Variants in WDPCP observed in about 807,000 individuals in gnomAD.
The protein encoded by WDPCP is WD repeat containing planar cell polarity effector.
Under a neutral mutation model 93.1 loss-of-function variants are expected in WDPCP, and 71 were observed. That is an observed-to-expected ratio of 0.76 (90% confidence interval 0.63 to 0.93). WDPCP has a LOEUF of 0.93. Ranked by LOEUF, WDPCP falls within the 40% of genes least tolerant of loss-of-function variation. The probability of loss-of-function intolerance (pLI) is 0.00; values close to 1 mark genes in which losing one functional copy is unlikely to be tolerated. For missense variants in WDPCP, 844 were observed against 887.4 expected, an observed-to-expected ratio of 0.95 and a Z score of 0.62; for synonymous variants, 315 against 315.0, an observed-to-expected ratio of 1.00 and a Z score of 0.00.
chr2:63,341,542 GGT>G (rs1688840348), intron 12 of WDPCP, among the ~76,000 whole-genome samples: 3 of 152,088 alleles, frequency 2.0e-5, no homozygotes, highest in African/African-American at 7.2e-5. Flanking sequence ...GTATCTATTG[GGT>G]GTCGTTAGTT....
chr2:63,274,563 GCTAGA>G (rs1460398094), intron 13 of WDPCP, among the ~76,000 whole-genome samples: 1 of 151,998 alleles, frequency 6.6e-6, no homozygotes, highest in Non-Finnish European at 1.5e-5. Context: ...TACATTTCTA[GCTAGA>G]CTAACAAGAA....
chr2:63,284,786 G>T (rs1162560418), intron 13 of WDPCP, among the ~76,000 whole-genome samples: 1 of 152,064 alleles, frequency 6.6e-6, no homozygotes, highest in Non-Finnish European at 1.5e-5. Flanking sequence ...TTTATTTTTG[G>T]AATTTTCTTT....
At chr2:63,399,414 G>A (rs1342740019) in intron 10 of WDPCP, among the ~76,000 whole-genome samples, 2 of 152,092 alleles carry the variant, frequency 1.3e-5, no homozygotes, top group African/African-American at 4.8e-5. Context: ...GTTTACTTTA[G>A]TAAGAAGGCA....
At chr2:63,627,503 C>T (rs1160845535) in intron 3 of WDPCP, among the ~76,000 whole-genome samples, 3 of 152,230 alleles carry the variant, frequency 2.0e-5, no homozygotes, top group African/African-American at 7.2e-5. Flanking sequence ...CGTTTTACCA[C>T]TCCAACGTTG....
chr2:63,369,264 A>T (rs1249973321), intron 12 of WDPCP: 1 of 371,104 alleles, frequency 2.7e-6, no homozygotes, highest in Non-Finnish European at 5.3e-6. Context: ...AATACAGTGA[A>T]TATAGGCACT....
chr2:63,413,840 T>G (rs1370464767), intron 9 of WDPCP, among the ~76,000 whole-genome samples: 1 of 151,860 alleles, frequency 6.6e-6, no homozygotes, highest in African/African-American at 2.4e-5. Flanking sequence ...TGGGACTTAA[T>G]TAAACTAAAG....
At chr2:63,589,421 T>G, upstream of WDPCP, 1 of 1,524,062 alleles carries the variant, frequency 6.6e-7, no homozygotes, top group Non-Finnish European at 8.9e-7. Flanking sequence ...TCCTAACCCC[T>G]TTTTCTCCTC....
intron 12 of WDPCP, among the ~76,000 whole-genome samples, chr2:63,328,892 CA>C (rs1687767649): frequency 1.3e-5 from 2 of 152,088 alleles, no homozygotes; most frequent in African/African-American, 4.8e-5. Flanking sequence ...TGTGCCTGGC[CA>C]ATTTTTTTTA....
At chr2:63,195,826 C>T (rs1340804516) in intron 14 of WDPCP, among the ~76,000 whole-genome samples, 3 of 152,128 alleles carry the variant, frequency 2.0e-5, no homozygotes, top group Non-Finnish European at 4.4e-5. Context: ...AATGTATACA[C>T]ACACTTATAG....
rs573739153 is a variant in WDPCP at position 63,793,762 on chromosome 2, G to A, written n.308+19860C>T. Reference sequence around the variant, plus strand: ...TTAATGTGAAATGTTTATTCTTTCCGGGACCAGGGTAAACCTATGTCTACA... The same window carrying A: ...TTAATGTGAAATGTTTATTCTTTCCAGGACCAGGGTAAACCTATGTCTACA... On this transcript the variant is annotated intron_variant and non_coding_transcript_variant, in intron 2 of 4. Transcript: ENST00000467687. 4.6e-5 allele frequency among the ~76,000 whole-genome samples: 7 copies of A among 151,600 alleles called. 1 individual carries two copies. Among genetic ancestry groups the A allele is most frequent in the East Asian group, 1.9e-4 (1 of 5,166 alleles).
At chr2:63,402,873 T>C (rs1694258304) in intron 10 of WDPCP, among the ~76,000 whole-genome samples, 1 of 152,194 alleles carries the variant, frequency 6.6e-6, no homozygotes, top group Non-Finnish European at 1.5e-5. Context: ...AATATAGCAA[T>C]TCCTCAAAGA....
At chr2:63,598,340 G>T (rs997735477) in intron 3 of WDPCP, among the ~76,000 whole-genome samples, 3 of 152,018 alleles carry the variant, frequency 2.0e-5, no homozygotes. Context: ...TGTTGGCCAG[G>T]CTGGTCTCGA....
At chr2:63,768,483 T>C (rs558203982) in intron 2 of WDPCP, among the ~76,000 whole-genome samples, 15 of 152,164 alleles carry the variant, frequency 9.9e-5, no homozygotes, top group African/African-American at 2.9e-4. Context: ...TTGGGGATAA[T>C]TGATGTCTTA....
intron 1 of WDPCP, among the ~76,000 whole-genome samples, chr2:63,575,136 G>A (rs1707822581): frequency 6.6e-6 from 1 of 151,412 alleles, no homozygotes; most frequent in Non-Finnish European, 1.5e-5. Context: ...GCAAAGGAGG[G>A]CTGCCTAGGG....
In WDPCP at chr2:63,120,872, A is replaced by C. The variant is rs977452321; in HGVS notation, c.*1134T>G. Among the ~76,000 whole-genome samples the C allele has an allele frequency of 2.0e-5, 3 of 152,200 alleles. No individual in the cohort carries two copies. Among genetic ancestry groups the C allele is most frequent in the Admixed American group, 2.0e-4 (3 of 15,282 alleles). On this transcript the variant is annotated 3_prime_UTR_variant, in exon 18 of 18. Coordinates refer to ENST00000272321, the MANE Select transcript of WDPCP (RefSeq NM_015910.7). Reference sequence around the variant, plus strand: ...AATTGTGAAATATCAGTTATCTGCTAAAGAATGGGTGTCAATAACTGTGAA... The same window carrying C: ...AATTGTGAAATATCAGTTATCTGCTCAAGAATGGGTGTCAATAACTGTGAA...
chr2:63,431,232 A>G (rs1205875887), intron 9 of WDPCP, among the ~76,000 whole-genome samples: 2 of 152,036 alleles, frequency 1.3e-5, no homozygotes, highest in East Asian at 1.9e-4. Context: ...GGAACCTGTA[A>G]AAGATACTGA....
Position 63,631,251 on chromosome 2 carries a change from G to A in WDPCP, n.488+19408C>T, listed in dbSNP as rs569075603. Among the ~76,000 whole-genome samples the A allele has an allele frequency of 3.3e-5, 5 of 152,208 alleles. No individual in the cohort carries two copies. In the South Asian group the frequency reaches 6.2e-4, roughly 19 times the overall value. On this transcript the variant is annotated intron_variant and non_coding_transcript_variant, in intron 3 of 4. Coordinates refer to the WDPCP transcript ENST00000467687. ...AGCAAGATTGCGCCACTGCATTCCA[G>A]TCTAGGCAACAGAGTGAGACTCCAT...
chr2:63,229,280 G>A (rs530653330), intron 14 of WDPCP: 1 of 152,064 alleles, frequency 6.6e-6, no homozygotes, highest in African/African-American at 2.4e-5. Flanking sequence ...GGATGGGGTT[G>A]TTTGTTTTTT....
intron 2 of WDPCP, among the ~76,000 whole-genome samples, chr2:63,707,295 G>A (rs1669174404): frequency 6.6e-6 from 1 of 152,096 alleles, no homozygotes; most frequent in Non-Finnish European, 1.5e-5. Context: ...TTTTCACATA[G>A]TCCCATATTT....
Sources: allele counts gnomAD v4.1 joint callset (sites outside exome capture counted in the v4.1 genomes callset), GRCh38; gene constraint gnomAD v4.1.1; transcripts MANE v1.5; gene names NCBI Gene and HGNC (gene_info 2026-07-23, HGNC 2026-07-21).